The following CNBD1 variants were observed in gnomAD, a reference collection of about 807,000 sequenced individuals.
CNBD1 encodes the protein cyclic nucleotide binding domain containing 1.
In CNBD1, 71 loss-of-function variants were observed where a neutral mutation model predicts 54.4. The observed-to-expected ratio is 1.30, with a 90% CI of 1.08 to 1.59. The LOEUF (loss-of-function observed/expected upper bound fraction) is 1.59, where lower values mean the gene tolerates loss of function less well. Among genes scored for constraint, CNBD1 ranks in the 40% most tolerant of loss-of-function variants. The pLI is 0.00. For synonymous variants in CNBD1, 182 were observed against 170.7 expected (o/e 1.07, Z -0.51); for missense variants, 659 against 518.0 (o/e 1.27, Z -2.64).
intron 8 of CNBD1, among the ~76,000 whole-genome samples, chr8:87,327,658 G>T (rs10110122): frequency 6.6e-6 from 1 of 152,106 alleles, no homozygotes; most frequent in Non-Finnish European, 1.5e-5. Context: ...GCCCTGCTTC[G>T]GCTCGTGCCC....
intron 3 of CNBD1, among the ~76,000 whole-genome samples, chr8:86,935,202 A>T (rs560349191): frequency 1.3e-5 from 2 of 151,640 alleles, no homozygotes; most frequent in African/African-American, 4.8e-5. Flanking sequence ...TGCCTGGCTA[A>T]TTTTTTTGTA....
chr8:87,257,899 T>C (rs1808053598), intron 6 of CNBD1, among the ~76,000 whole-genome samples: 1 of 152,148 alleles, frequency 6.6e-6, no homozygotes, highest in Admixed American at 6.6e-5. Flanking sequence ...ATTTGGTTAC[T>C]TCTATGGTGT....
intron 4 of CNBD1, among the ~76,000 whole-genome samples, chr8:86,983,275 G>A (rs1383393695): frequency 6.6e-6 from 1 of 152,124 alleles, no homozygotes; most frequent in Non-Finnish European, 1.5e-5. Context: ...TGTCAGACAT[G>A]CCTTTCACCT....
At chr8:87,262,079 A>T (rs1808152076) in intron 6 of CNBD1, among the ~76,000 whole-genome samples, 1 of 152,066 alleles carries the variant, frequency 6.6e-6, no homozygotes, top group Admixed American at 6.6e-5. Context: ...ACTTGAACCC[A>T]GGAAGTTGGG....
At chr8:87,317,348 A>T (rs1809410709) in intron 8 of CNBD1, among the ~76,000 whole-genome samples, 1 of 151,360 alleles carries the variant, frequency 6.6e-6, no homozygotes, top group Non-Finnish European at 1.5e-5. Context: ...ACTGCTTTTG[A>T]TGTATACACA....
intron 8 of CNBD1, among the ~76,000 whole-genome samples, chr8:87,329,290 A>G (rs150065752): frequency 0.012 from 1,777 of 152,036 alleles, 19 homozygotes; most frequent in Non-Finnish European, 0.015. Flanking sequence ...TTAATATCAC[A>G]TTGTCTTGAT....
intron 4 of CNBD1, among the ~76,000 whole-genome samples, chr8:87,160,948 G>T (rs1392128991): frequency 6.6e-6 from 1 of 152,004 alleles, no homozygotes; most frequent in African/African-American, 2.4e-5. Flanking sequence ...TCGTGTTAAG[G>T]AATTGGCTTA....
At chr8:87,275,554 G>A (rs1379982758) in intron 6 of CNBD1, among the ~76,000 whole-genome samples, 9 of 151,606 alleles carry the variant, frequency 5.9e-5, no homozygotes, top group Non-Finnish European at 1.3e-4. Flanking sequence ...AATAAATTAG[G>A]TATTGATGGG....
chr8:86,917,874 A>G (rs1257637461), intron 3 of CNBD1, among the ~76,000 whole-genome samples: 1 of 152,234 alleles, frequency 6.6e-6, no homozygotes, highest in Non-Finnish European at 1.5e-5. Flanking sequence ...TTTACCTGAC[A>G]GAAACAAAGT....
chr8:87,092,455 ATATGTG>A (rs909896220), intron 4 of CNBD1, among the ~76,000 whole-genome samples: 4 of 135,510 alleles, frequency 3.0e-5, no homozygotes, highest in African/African-American at 1.3e-4. Flanking sequence ...ATATATACAC[ATATGTG>A]TGTGTGTGTA....
chr8:87,385,295 C>T (rs4573301), downstream of CNBD1, among the ~76,000 whole-genome samples: 56,301 of 151,820 alleles, frequency 0.37, 10,767 homozygotes, highest in Middle Eastern at 0.45. Flanking sequence ...TGCAGCGCAC[C>T]GAGTGTGAGC....
intron 4 of CNBD1, among the ~76,000 whole-genome samples, chr8:87,066,618 T>A (rs1810659880): frequency 6.6e-6 from 1 of 151,972 alleles, no homozygotes; most frequent in South Asian, 2.1e-4. Context: ...AGACTTTTTT[T>A]AAACAATAAT....
At chr8:87,214,075 C>G (rs778731063) in intron 5 of CNBD1, among the ~76,000 whole-genome samples, 7 of 152,202 alleles carry the variant, frequency 4.6e-5, no homozygotes, top group Non-Finnish European at 1.0e-4. Context: ...GGTGGGTTCC[C>G]ATATCTTGGG....
intron 4 of CNBD1, among the ~76,000 whole-genome samples, chr8:87,086,815 C>A (rs1811104544): frequency 6.6e-6 from 1 of 152,002 alleles, no homozygotes; most frequent in South Asian, 2.1e-4. Context: ...TTTGAGTAAT[C>A]CTTAAGGGAT....
At chr8:86,958,131 A>G (rs563215744) in intron 4 of CNBD1, among the ~76,000 whole-genome samples, 3 of 152,142 alleles carry the variant, frequency 2.0e-5, no homozygotes, top group East Asian at 1.9e-4. Context: ...CCAGGTAGTT[A>G]AGTGGTTTTG....
intron 4 of CNBD1, among the ~76,000 whole-genome samples, chr8:86,976,717 T>C (rs1808350850): frequency 6.6e-6 from 1 of 151,964 alleles, no homozygotes; most frequent in Admixed American, 6.6e-5. Context: ...CAGTGTCCTG[T>C]AGTTTTCAGT....
intron 4 of CNBD1, among the ~76,000 whole-genome samples, chr8:87,180,489 T>C (rs1367857299): frequency 6.6e-6 from 1 of 152,206 alleles, no homozygotes; most frequent in Non-Finnish European, 1.5e-5. Flanking sequence ...CAATATATCA[T>C]GGCATTTCAT....
chr8:86,937,272 T>C (rs1809565621), intron 3 of CNBD1, among the ~76,000 whole-genome samples: 1 of 152,120 alleles, frequency 6.6e-6, no homozygotes, highest in Non-Finnish European at 1.5e-5. Flanking sequence ...CCTGCCCCCA[T>C]GATTCAGATA....
chr8:87,300,530 G>A (rs950427260), intron 8 of CNBD1, among the ~76,000 whole-genome samples: 9 of 152,124 alleles, frequency 5.9e-5, no homozygotes, highest in Admixed American at 2.6e-4. Flanking sequence ...AGGGCCACTA[G>A]CTGGTCACTT....
Sources: allele counts gnomAD v4.1 joint callset (sites outside exome capture counted in the v4.1 genomes callset), GRCh38; gene constraint gnomAD v4.1.1; transcripts MANE v1.5; gene names NCBI Gene and HGNC (gene_info 2026-07-23, HGNC 2026-07-21).